USP8: variants seen among roughly 807,000 people sequenced by gnomAD.
USP8 encodes ubiquitin carboxyl-terminal hydrolase 8.
USP8 carries 27 observed loss-of-function variants against 130.0 expected under a neutral mutation model. That is an observed-to-expected ratio of 0.21 (90% CI 0.15 to 0.29). USP8 has a LOEUF of 0.29. Ranked by LOEUF, USP8 falls within the 10% of genes least tolerant of loss-of-function variation. The probability of loss-of-function intolerance (pLI) is 1.00; values close to 1 mark genes in which losing one functional copy is unlikely to be tolerated. For missense variants in USP8, 1,029 were observed against 1,312.2 expected (o/e 0.78, Z 3.33); for synonymous variants, 392 against 444.1 (o/e 0.88, Z 1.48).
intron 3 of USP8, among the ~76,000 whole-genome samples, chr15:50,442,560 A>G (rs2050294967): frequency 6.6e-6 from 1 of 151,896 alleles, no homozygotes; most frequent in Non-Finnish European, 1.5e-5. Flanking sequence ...CCTGGCCAAC[A>G]TGGTGAAACC....
intron 3 of USP8, among the ~76,000 whole-genome samples, chr15:50,444,252 C>T (rs1595911226): frequency 6.6e-6 from 1 of 151,176 alleles, no homozygotes; most frequent in Non-Finnish European, 1.5e-5. Flanking sequence ...TACAGGCACC[C>T]GCCACCACGC....
intron 1 of USP8, among the ~76,000 whole-genome samples, chr15:50,427,684 C>T (rs1306093527): frequency 6.6e-6 from 1 of 150,960 alleles, no homozygotes; most frequent in Non-Finnish European, 1.5e-5. Context: ...TTCAGCCTCC[C>T]GAGTAGCTGG....
chr15:50,467,141 T>C (rs1387137644), intron 7 of USP8: 2 of 309,146 alleles, frequency 6.5e-6, no homozygotes, highest in African/African-American at 4.4e-5. Context: ...GTTAAAAATA[T>C]ATATATTAGA....
At chr15:50,454,020 G>A (rs1041187935) in intron 4 of USP8, among the ~76,000 whole-genome samples, 1 of 151,758 alleles carries the variant, frequency 6.6e-6, no homozygotes, top group Non-Finnish European at 1.5e-5. Flanking sequence ...ACACCACCAT[G>A]CCTGGCTAAT....
Position 50,513,978 on chromosome 15 carries a change from C to G in USP8, c.*14890C>G, listed in dbSNP as rs534732295. On this transcript the variant is annotated 3_prime_UTR_variant, in exon 20 of 20. Transcript: ENST00000307179. ...AAAAAACAAGAATGTTTATAGCAAC[C>G]CTCTTTGCATTAGTCAAAAGCTAGT... 1 of 152,134 alleles carries G rather than the reference C, an allele frequency of 6.6e-6. No homozygotes were observed. The highest frequency in any genetic ancestry group is 1.5e-5 in the Non-Finnish European group (1 of 68,030). The allele number at this position is 152,134 out of a possible 1,614,324, so 9.4% of individuals were successfully genotyped here.
In USP8 at chr15:50,513,513, C is replaced by T. The variant is rs1181625033; in HGVS notation, c.*14425C>T. 3 of 106,256 alleles carry T rather than the reference C, an allele frequency of 2.8e-5. No individual in the cohort carries two copies. In the South Asian group the frequency reaches 9.6e-4, roughly 34 times the overall value. The allele number at this position is 106,256 out of a possible 1,614,324, so 6.6% of individuals were successfully genotyped here. A position where few individuals can be genotyped will look rare whatever the true frequency, so the allele number is the denominator to read the frequency against. On this transcript the variant is annotated 3_prime_UTR_variant, in exon 20 of 20. Coordinates refer to ENST00000307179, the MANE Select transcript of USP8 (RefSeq NM_005154.5). ...TCATGAGTTCGAGACAAGAGCGAAA[C>T]TGTCTAAAAAAAAAAAAAAAAAAAA... is the stretch of plus-strand genomic sequence containing the variant.
intron 4 of USP8, among the ~76,000 whole-genome samples, chr15:50,450,462 C>CTTTTTTTTTTTT (rs35800074): frequency 1.2e-4 from 10 of 80,454 alleles, no homozygotes; most frequent in East Asian, 1.2e-3. Context: ...GTTAGTCATT[C>CTTTTTTTTTTTT]TTTTTTTTTT....
intron 4 of USP8, among the ~76,000 whole-genome samples, chr15:50,451,962 A>G (rs1469603400): frequency 1.3e-5 from 2 of 152,184 alleles, no homozygotes; most frequent in Non-Finnish European, 2.9e-5. Flanking sequence ...ATCTGATGTC[A>G]TGGTCTATGA....
chr15:50,447,987 C>G (rs12708422), intron 3 of USP8, among the ~76,000 whole-genome samples: 4,493 of 152,146 alleles, frequency 0.03, 96 homozygotes, highest in East Asian at 0.096. Context: ...AGATGATCCA[C>G]CCACCCCAGC....
intron 7 of USP8, among the ~76,000 whole-genome samples, chr15:50,466,308 G>A (rs866247156): frequency 2.6e-5 from 4 of 152,040 alleles, no homozygotes; most frequent in Non-Finnish European, 4.4e-5. Flanking sequence ...TTAAAAATTA[G>A]AGCTCTTAGG....
intron 18 of USP8, 61 bp from the exon 19 acceptor site, chr15:50,498,535 G>T: frequency 6.7e-7 from 1 of 1,493,724 alleles, no homozygotes; most frequent in South Asian, 1.4e-5. Context: ...AGATGTTAAT[G>T]AATGAGGATT....
At chr15:50,469,187 T>C (rs762471934) in intron 7 of USP8, among the ~76,000 whole-genome samples, 1 of 152,220 alleles carries the variant, frequency 6.6e-6, no homozygotes, top group Non-Finnish European at 1.5e-5. Flanking sequence ...ATATTTTATT[T>C]ATCTTCAGAC....
rs369842216 is a variant in USP8 at position 50,486,805 on chromosome 15, T to G, written c.1890+2444T>G. On this transcript the variant is annotated intron_variant, in intron 12 of 19. Coordinates refer to ENST00000307179, the MANE Select transcript of USP8 (RefSeq NM_005154.5). ...GGTGCAGTGTATACTGCTCAGGTGA[T>G]GGGTGCACTAAAATCTCACAAATCA... Among the ~76,000 whole-genome samples, 6 of 152,294 alleles carry G rather than the reference T, an allele frequency of 3.9e-5. No individual in the cohort carries two copies. In the East Asian group the frequency reaches 5.8e-4, roughly 15 times the overall value.
chr15:50,476,227 C>T (rs1361558331), intron 8 of USP8, among the ~76,000 whole-genome samples: 2 of 152,106 alleles, frequency 1.3e-5, no homozygotes, highest in Non-Finnish European at 2.9e-5. Context: ...CCCAGGAGTT[C>T]GAGACCAGCC....
intron 11 of USP8, among the ~76,000 whole-genome samples, chr15:50,483,017 C>T (rs977195933): frequency 2.0e-5 from 3 of 152,160 alleles, no homozygotes; most frequent in African/African-American, 7.2e-5. Context: ...ATATGAAGCC[C>T]ATGTACTAAA....
Position 50,481,996 on chromosome 15 carries a change from A to G in USP8, c.1734A>G (p.Pro578=). The G allele has an allele frequency of 6.3e-7, 1 of 1,579,010 alleles. No individual in the cohort carries two copies. The highest frequency in any genetic ancestry group is 8.5e-7 in the Non-Finnish European group (1 of 1,169,870). Residue 578 remains proline (P), a synonymous_variant, in exon 11 of 20, where the codon CCA becomes CCG. Transcript: ENST00000307179. ...ATAGGGGGAAAAGGTGTCCAACCCC[A>G]GAAATACAGAAAAAGTCAACAGGAG... ...VEDRGKRCPT[P]EIQKKSTGDV...
Position 50,493,649 on chromosome 15 carries a change from G to T in USP8, c.2448-421G>T. On this transcript the variant is annotated intron_variant, in intron 15 of 19. Coordinates refer to ENST00000307179, the MANE Select transcript of USP8 (RefSeq NM_005154.5). The stretch of plus-strand genomic sequence containing the variant: ...AGTCCCTGCTACTTGGGAGGCTAAG[G>T]TGGGAGGATCACCTGAGCCCAGAAG... 5 of 378,074 alleles carry T rather than the reference G, an allele frequency of 1.3e-5. 1 individual carries two copies. Among genetic ancestry groups the T allele is most frequent in the Middle Eastern group, 1.9e-3 (2 of 1,030 alleles). The allele number at this position is 378,074 out of a possible 1,614,324, so 23.4% of individuals were successfully genotyped here.
At chr15:50,470,518 C>T (rs978033067) in intron 7 of USP8, among the ~76,000 whole-genome samples, 2 of 151,114 alleles carry the variant, frequency 1.3e-5, no homozygotes, top group African/African-American at 2.4e-5. Flanking sequence ...GTGGCTGGAG[C>T]GAGTGAAGGG....
At chr15:50,494,371 G>T in intron 16 of USP8, 91 bp downstream of exon 16, 1 of 1,087,508 alleles carries the variant, frequency 9.2e-7, no homozygotes. Flanking sequence ...TCTAGTTGGT[G>T]ATAGTTCAGT....
Sources: allele counts gnomAD v4.1 joint callset (sites outside exome capture counted in the v4.1 genomes callset), GRCh38; gene constraint gnomAD v4.1.1; transcripts MANE v1.5; gene names NCBI Gene and HGNC (gene_info 2026-07-23, HGNC 2026-07-21).